The following RAB27B variants were observed in gnomAD, a reference collection of about 807,000 sequenced individuals.
The protein encoded by RAB27B is ras-related protein Rab-27B.
RAB27B carries 15 observed loss-of-function variants against 24.6 expected under a neutral mutation model. The ratio of observed to expected loss-of-function variants is 0.61; its 90% CI spans 0.41 to 0.94. The LOEUF is 0.94. RAB27B is among the 40% of genes least tolerant of loss of function. The pLI, the probability that RAB27B is intolerant of heterozygous loss-of-function variation, is 0.00. For synonymous variants in RAB27B, 105 were observed against 92.5 expected (o/e 1.14, Z -0.78); for missense variants, 261 against 266.8 (o/e 0.98, Z 0.15).
chr18:54,783,743 G>A (rs1908991906), intron 2 of RAB27B, among the ~76,000 whole-genome samples: 1 of 152,062 alleles, frequency 6.6e-6, no homozygotes, highest in Non-Finnish European at 1.5e-5. Flanking sequence ...GCTTCCCTCT[G>A]GGCATAGGCT....
intron 1 of RAB27B, among the ~76,000 whole-genome samples, chr18:54,867,261 A>G (rs1435991691): frequency 6.6e-6 from 1 of 152,098 alleles, no homozygotes; most frequent in Non-Finnish European, 1.5e-5. Context: ...TCTGACCACC[A>G]GATTGAGCCA....
At chr18:54,817,800 G>C (rs1221678012) in intron 2 of RAB27B, among the ~76,000 whole-genome samples, 2 of 151,588 alleles carry the variant, frequency 1.3e-5, no homozygotes, top group African/African-American at 4.8e-5. Context: ...TTAAGGACTT[G>C]AATCCTTAAC....
At chr18:54,863,826 ATTG>A (rs1912103715) in intron 1 of RAB27B, among the ~76,000 whole-genome samples, 1 of 152,172 alleles carries the variant, frequency 6.6e-6, no homozygotes, top group Admixed American at 6.5e-5. Context: ...GTTTATCCAT[ATTG>A]TTGTATGTAT....
intron 2 of RAB27B, among the ~76,000 whole-genome samples, chr18:54,736,873 A>G (rs905150431): frequency 1.4e-4 from 22 of 152,156 alleles, no homozygotes; most frequent in African/African-American, 4.8e-5. Flanking sequence ...CAAAGTTTGA[A>G]CAAATAAGCT....
At chr18:54,814,792 GTTAC>G (rs995890025) in intron 2 of RAB27B, among the ~76,000 whole-genome samples, 2 of 152,188 alleles carry the variant, frequency 1.3e-5, no homozygotes, top group Admixed American at 6.5e-5. Context: ...AACCCATTCA[GTTAC>G]TTGAGTATAT....
chr18:54,725,577 C>T (rs1390274631), intron 2 of RAB27B, among the ~76,000 whole-genome samples: 3 of 151,502 alleles, frequency 2.0e-5, no homozygotes, highest in East Asian at 3.9e-4. Context: ...GTTTAATTGC[C>T]TCACAGTTCG....
At chr18:54,765,442 C>A (rs1473750823) in intron 2 of RAB27B, among the ~76,000 whole-genome samples, 1 of 152,154 alleles carries the variant, frequency 6.6e-6, no homozygotes, top group African/African-American at 2.4e-5. Flanking sequence ...CCCAGAATGT[C>A]CTTCATTTGT....
intron 2 of RAB27B, among the ~76,000 whole-genome samples, chr18:54,810,023 C>T (rs774251270): frequency 3.4e-4 from 52 of 152,074 alleles, no homozygotes; most frequent in Non-Finnish European, 7.1e-4. Context: ...GTTTTGAGAA[C>T]AATTGATCTG....
chr18:54,784,787 T>C (rs1909028833), intron 2 of RAB27B, among the ~76,000 whole-genome samples: 1 of 152,180 alleles, frequency 6.6e-6, no homozygotes, highest in African/African-American at 2.4e-5. Context: ...TGAATGCAGG[T>C]GTCTTTTTGG....
At chr18:54,824,519 C>T (rs142476265), upstream of RAB27B, among the ~76,000 whole-genome samples, 1,067 of 152,286 alleles carry the variant, frequency 7.0e-3, 6 homozygotes, top group Non-Finnish European at 0.01. Context: ...GCTTTCATGT[C>T]TTCTAGGGGC....
At chr18:54,728,345 G>A (rs9807292) in intron 2 of RAB27B, among the ~76,000 whole-genome samples, 9,689 of 152,176 alleles carry the variant, frequency 0.064, 393 homozygotes, top group African/African-American at 0.092. Context: ...TCAGTGGGGT[G>A]AAGTTTTTGT....
chr18:54,891,349 C>T lies in RAB27B; in HGVS notation c.*1936C>T, dbSNP rs535171584. 7 of 151,230 alleles carry T rather than the reference C, an allele frequency of 4.6e-5. No homozygotes were observed. Among genetic ancestry groups the T allele is most frequent in the South Asian group, 2.1e-4 (1 of 4,822 alleles). The allele number at this position is 151,230 out of a possible 1,614,324, so 9.4% of individuals were successfully genotyped here. ...CCAGCTCCTCTGATTTCTGCAGCAT[C>T]GCAACAGGTTCGAAGATGGGTTGTG... On this transcript the variant is annotated 3_prime_UTR_variant, in exon 6 of 6. Transcript: ENST00000262094.
At chr18:54,887,145 G>C (rs868036186) in intron 4 of RAB27B, among the ~76,000 whole-genome samples, 1 of 148,776 alleles carries the variant, frequency 6.7e-6, no homozygotes, top group African/African-American at 2.5e-5. Context: ...CAAATTACTG[G>C]TCTTAAAATT....
At chr18:54,723,968 T>G (rs948491708) in intron 2 of RAB27B, among the ~76,000 whole-genome samples, 10 of 152,188 alleles carry the variant, frequency 6.6e-5, no homozygotes, top group Non-Finnish European at 1.3e-4. Flanking sequence ...GAGACTATAA[T>G]CCAACTGTTG....
chr18:54,745,824 ATATT>A (rs894251326), intron 2 of RAB27B, among the ~76,000 whole-genome samples: 2 of 147,162 alleles, frequency 1.4e-5, no homozygotes, highest in African/African-American at 4.9e-5. Context: ...TTAAATATTT[ATATT>A]TATTATATTA....
At chr18:54,793,825 C>A (rs1240776703) in intron 2 of RAB27B, among the ~76,000 whole-genome samples, 2 of 152,178 alleles carry the variant, frequency 1.3e-5, no homozygotes, top group African/African-American at 4.8e-5. Flanking sequence ...GAGAGAGGAT[C>A]TCCTGAGCCC....
At chr18:54,751,789 T>C (rs1907839446) in intron 2 of RAB27B, among the ~76,000 whole-genome samples, 1 of 152,194 alleles carries the variant, frequency 6.6e-6, no homozygotes, top group Admixed American at 6.5e-5. Context: ...CCATAAGAAA[T>C]TGAGCATCGC....
At chr18:54,781,443 A>G (rs1406222408) in intron 2 of RAB27B, among the ~76,000 whole-genome samples, 1 of 152,094 alleles carries the variant, frequency 6.6e-6, no homozygotes, top group Non-Finnish European at 1.5e-5. Context: ...TTCAAGGTCC[A>G]GAGAGCTTGC....
intron 1 of RAB27B, among the ~76,000 whole-genome samples, chr18:54,848,752 G>T (rs937739474): frequency 2.6e-5 from 4 of 152,238 alleles, no homozygotes; most frequent in Non-Finnish European, 2.9e-5. Flanking sequence ...ACCATAAAAA[G>T]ATTTCATGGT....
Sources: gnomAD v4.1 joint callset for allele counts (sites outside exome capture counted in the v4.1 genomes callset) on GRCh38, gnomAD v4.1.1 for gene constraint, MANE v1.5 for transcripts, NCBI Gene and HGNC (gene_info 2026-07-23, HGNC 2026-07-21) for gene names.